The following SMYD3 variants were observed in gnomAD, a reference collection of about 807,000 sequenced individuals.
SMYD3 encodes histone-lysine N-methyltransferase SMYD3.
In SMYD3, 36 loss-of-function variants were observed where a neutral mutation model predicts 57.7. That is an observed-to-expected ratio of 0.62 (90% CI 0.48 to 0.82). The LOEUF is 0.82. Ranked by LOEUF, SMYD3 falls within the 40% of genes least tolerant of loss-of-function variation. The pLI, the probability that SMYD3 is intolerant of heterozygous loss-of-function variation, is 0.00. For synonymous variants in SMYD3, 211 were observed against 195.0 expected, an observed-to-expected ratio of 1.08 and a Z score of -0.68; for missense variants, 515 against 538.8, an observed-to-expected ratio of 0.96 and a Z score of 0.44.
At chr1:246,003,618 T>C (rs777260106) in intron 5 of SMYD3, among the ~76,000 whole-genome samples, 4 of 152,224 alleles carry the variant, frequency 2.6e-5, no homozygotes, top group Non-Finnish European at 5.9e-5. Flanking sequence ...AAGAAATACA[T>C]TGCCTTTAGA....
chr1:246,141,993 G>C (rs1290057408), intron 5 of SMYD3, among the ~76,000 whole-genome samples: 1 of 152,182 alleles, frequency 6.6e-6, no homozygotes, highest in South Asian at 2.1e-4. Context: ...AAAAGAACTT[G>C]CTCAGAAGAT....
chr1:245,751,713 T>A (rs1188953312), intron 11 of SMYD3, among the ~76,000 whole-genome samples: 1 of 152,224 alleles, frequency 6.6e-6, no homozygotes, highest in Non-Finnish European at 1.5e-5. Context: ...GACCCCGCAC[T>A]GGCAGTCTGG....
intron 8 of SMYD3, among the ~76,000 whole-genome samples, chr1:245,868,943 C>A (rs936237790): frequency 3.3e-4 from 51 of 152,300 alleles, no homozygotes; most frequent in African/African-American, 1.1e-3. Context: ...TAATTTTAAT[C>A]TTCTACTTTC....
intron 1 of SMYD3, among the ~76,000 whole-genome samples, chr1:246,461,733 CA>C (rs34973427): frequency 2.1e-4 from 26 of 122,798 alleles, no homozygotes; most frequent in African/African-American, 2.6e-4. Context: ...GACTCTGTCT[CA>C]AAAAAAAAAA....
chr1:246,377,618 C>T (rs1377205413), intron 1 of SMYD3, among the ~76,000 whole-genome samples: 1 of 152,144 alleles, frequency 6.6e-6, no homozygotes, highest in African/African-American at 2.4e-5. Flanking sequence ...ATCTACCTGC[C>T]TCAGCCTCCC....
At chr1:245,912,305 G>A (rs1166568367) in intron 8 of SMYD3, among the ~76,000 whole-genome samples, 1 of 151,930 alleles carries the variant, frequency 6.6e-6, no homozygotes, top group South Asian at 2.1e-4. Flanking sequence ...ATTTAACCAA[G>A]GAGGTGAAAG....
At chr1:246,178,902 G>A (rs2062482007) in intron 5 of SMYD3, 1 of 152,320 alleles carries the variant, frequency 6.6e-6, no homozygotes, top group African/African-American at 2.4e-5. Context: ...GAGGAGCACG[G>A]ATTGATACTG....
chr1:246,062,030 T>C (rs1346767826), intron 5 of SMYD3, among the ~76,000 whole-genome samples: 1 of 152,238 alleles, frequency 6.6e-6, no homozygotes, highest in Non-Finnish European at 1.5e-5. Context: ...ATTTGGCTGA[T>C]ATTTCCTTAG....
chr1:245,979,346 A>G, intron 5 of SMYD3, among the ~76,000 whole-genome samples: 1 of 152,194 alleles, frequency 6.6e-6, no homozygotes, highest in East Asian at 1.9e-4. Flanking sequence ...TTGAAGTCTT[A>G]ACCCCCAGTA....
intron 5 of SMYD3, among the ~76,000 whole-genome samples, chr1:246,314,862 T>G (rs2065132145): frequency 6.6e-6 from 1 of 152,276 alleles, no homozygotes; most frequent in African/African-American, 2.4e-5. Flanking sequence ...ATTTTTAATT[T>G]TCTGCCTTTA....
At chr1:246,277,245 A>G (rs924892737) in intron 5 of SMYD3, among the ~76,000 whole-genome samples, 3 of 152,224 alleles carry the variant, frequency 2.0e-5, no homozygotes, top group African/African-American at 7.2e-5. Context: ...CAAATGACCA[A>G]TAAGCCTATA....
intron 5 of SMYD3, among the ~76,000 whole-genome samples, chr1:245,959,241 C>A (rs548644224): frequency 6.6e-5 from 10 of 152,268 alleles, no homozygotes; most frequent in Admixed American, 5.9e-4. Flanking sequence ...GGATTACAGG[C>A]ATGAGCCACC....
intron 5 of SMYD3, among the ~76,000 whole-genome samples, chr1:246,016,381 A>G (rs112998655): frequency 0.063 from 9,524 of 152,080 alleles, 657 homozygotes; most frequent in African/African-American, 0.16. Flanking sequence ...TCAGGAGTTC[A>G]GGACCAGCTT....
chr1:245,759,333 G>GT (rs1166555550), intron 11 of SMYD3, among the ~76,000 whole-genome samples: 1 of 151,978 alleles, frequency 6.6e-6, no homozygotes, highest in East Asian at 1.9e-4. Context: ...TCCCCACACG[G>GT]TAACGTATGA....
At chr1:245,920,990 G>A (rs1307830475) in intron 7 of SMYD3, among the ~76,000 whole-genome samples, 1 of 152,152 alleles carries the variant, frequency 6.6e-6, no homozygotes, top group Non-Finnish European at 1.5e-5. Context: ...TATCAACAAA[G>A]TAAACAAACG....
At chr1:245,754,279 C>A (rs2045518377) in intron 11 of SMYD3, among the ~76,000 whole-genome samples, 1 of 151,936 alleles carries the variant, frequency 6.6e-6, no homozygotes, top group African/African-American at 2.4e-5. Flanking sequence ...ATATATTAAG[C>A]TTATCAAGGA....
At chr1:245,760,916 G>A (rs769111522) in intron 11 of SMYD3, among the ~76,000 whole-genome samples, 2 of 152,174 alleles carry the variant, frequency 1.3e-5, no homozygotes, top group African/African-American at 2.4e-5. Flanking sequence ...ACACTCTCCC[G>A]CATTGCCTCG....
intron 10 of SMYD3, among the ~76,000 whole-genome samples, chr1:245,838,949 A>C (rs1350064357): frequency 6.6e-6 from 1 of 152,150 alleles, no homozygotes; most frequent in Non-Finnish European, 1.5e-5. Flanking sequence ...TGTCCTCTGA[A>C]TCCTGAACTT....
chr1:246,406,048 T>C (rs1435318302), intron 1 of SMYD3, among the ~76,000 whole-genome samples: 1 of 152,148 alleles, frequency 6.6e-6, no homozygotes, highest in African/African-American at 2.4e-5. Flanking sequence ...TGCAACAGTC[T>C]GTTAATTATT....
Sources: gnomAD v4.1 joint callset for allele counts (sites outside exome capture counted in the v4.1 genomes callset) on GRCh38, gnomAD v4.1.1 for gene constraint, MANE v1.5 for transcripts, NCBI Gene and HGNC (gene_info 2026-07-23, HGNC 2026-07-21) for gene names.